Variants in ITSN1 observed in about 807,000 individuals in gnomAD.
ITSN1 encodes the protein intersectin-1.
A neutral mutation model predicts 239.8 loss-of-function variants in ITSN1; 58 were observed. The observed-to-expected ratio is 0.24, with a 90% CI of 0.20 to 0.30. The LOEUF (loss-of-function observed/expected upper bound fraction) is 0.30. ITSN1 is among the 10% of genes least tolerant of loss of function. The pLI is 1.00. For missense variants in ITSN1, 1,558 were observed against 2,103.3 expected, an observed-to-expected ratio of 0.74 and a Z score of 5.07; for synonymous variants, 780 against 770.8, an observed-to-expected ratio of 1.01 and a Z score of -0.20.
At chr21:33,802,357 A>G (rs1052994619) in intron 19 of ITSN1, 73 bp from the exon 20 acceptor site, 2 of 1,449,450 alleles carry the variant, frequency 1.4e-6, no homozygotes, top group African/African-American at 1.4e-5. Context: ...GAGTTTAGAT[A>G]TGCTGTAAGA....
At chr21:33,769,725 C>T (rs1403023665) in intron 11 of ITSN1, among the ~76,000 whole-genome samples, 7 of 147,850 alleles carry the variant, frequency 4.7e-5, no homozygotes, top group Admixed American at 1.3e-4. Flanking sequence ...ACGGTTGTTT[C>T]GCTCTTGTTG....
chr21:33,847,653 T>C (rs553628884), intron 29 of ITSN1, among the ~76,000 whole-genome samples: 1 of 151,676 alleles, frequency 6.6e-6, no homozygotes, highest in East Asian at 1.9e-4. Flanking sequence ...AAGAGTGGAG[T>C]GTCAGATGGT....
intron 33 of ITSN1, 43 bp downstream of exon 33, chr21:33,867,374 C>G: frequency 1.8e-6 from 2 of 1,101,034 alleles, no homozygotes; most frequent in Non-Finnish European, 1.4e-6. Flanking sequence ...ACGGCTTTCT[C>G]TGCATTGGAG....
chr21:33,644,326 A>G (rs1233202425), intron 1 of ITSN1, among the ~76,000 whole-genome samples: 1 of 152,236 alleles, frequency 6.6e-6, no homozygotes, highest in Non-Finnish European at 1.5e-5. Context: ...TAAGTCATAT[A>G]AATTAAGAAG....
At chr21:33,750,442 A>G (rs1392223145) in intron 6 of ITSN1, 120 bp downstream of exon 6, 1 of 913,494 alleles carries the variant, frequency 1.1e-6, no homozygotes, top group Non-Finnish European at 1.7e-6. Context: ...TCCAGAGGAA[A>G]ATATCTTTAT....
At chr21:33,646,733 A>C (rs987114594) in intron 1 of ITSN1, among the ~76,000 whole-genome samples, 1 of 152,242 alleles carries the variant, frequency 6.6e-6, no homozygotes, top group African/African-American at 2.4e-5. Context: ...AGTGATGATA[A>C]AGAATTGGGG....
At chr21:33,759,388 C>G (rs988892761) in intron 8 of ITSN1, among the ~76,000 whole-genome samples, 5 of 152,162 alleles carry the variant, frequency 3.3e-5, no homozygotes, top group Non-Finnish European at 7.3e-5. Flanking sequence ...GAATCCAAGT[C>G]CCCTGATATC....
chr21:33,891,076 TG>T lies in ITSN1; in HGVS notation c.*2780del. Reference sequence around the variant, plus strand: ...GGCAGAGTCCACATCCTGGTCCCTCTGGGGCAGGGCCTGTCTGGCTGCTGGC... The same window carrying T: ...GGCAGAGTCCACATCCTGGTCCCTCTGGGCAGGGCCTGTCTGGCTGCTGGC... On this transcript the variant is annotated 3_prime_UTR_variant, in exon 40 of 40. Transcript: ENST00000381318. 6.6e-6 allele frequency: 1 copy of T among 152,504 alleles called. No individual in the cohort carries two copies. The highest frequency in any genetic ancestry group is 1.5e-5 in the Non-Finnish European group (1 of 68,154). The allele number at this position is 152,504 out of a possible 1,614,324, so 9.4% of individuals were successfully genotyped here. A position where few individuals can be genotyped will look rare whatever the true frequency, so the allele number is the denominator to read the frequency against.
chr21:33,787,393 T>C (rs1248443815), intron 16 of ITSN1, among the ~76,000 whole-genome samples: 6 of 152,254 alleles, frequency 3.9e-5, no homozygotes, highest in African/African-American at 1.4e-4. Context: ...TTCCTTAGTA[T>C]ACTTGGGAAA....
At chr21:33,856,015 T>C (rs1214453733) in intron 29 of ITSN1, among the ~76,000 whole-genome samples, 3 of 152,176 alleles carry the variant, frequency 2.0e-5, no homozygotes, top group Non-Finnish European at 4.4e-5. Flanking sequence ...GCAGCCCAAG[T>C]CTCAGGGTTT....
intron 1 of ITSN1, among the ~76,000 whole-genome samples, chr21:33,706,704 G>A (rs1220136366): frequency 6.6e-6 from 1 of 152,074 alleles, no homozygotes; most frequent in East Asian, 1.9e-4. Flanking sequence ...AAGCCTTACA[G>A]TCCACACCAT....
intron 20 of ITSN1, 63 bp from the exon 21 acceptor site, chr21:33,810,912 T>C: frequency 6.3e-7 from 1 of 1,597,138 alleles, no homozygotes; most frequent in Admixed American, 1.7e-5. Context: ...TTCACTGTAG[T>C]TGGGTGCTGG....
intron 5 of ITSN1, among the ~76,000 whole-genome samples, chr21:33,735,841 G>A (rs2066466290): frequency 6.6e-6 from 1 of 151,834 alleles, no homozygotes; most frequent in African/African-American, 2.4e-5. Flanking sequence ...CATCTCTACT[G>A]AAAATATAAA....
intron 7 of ITSN1, among the ~76,000 whole-genome samples, chr21:33,754,405 G>A (rs962939168): frequency 6.6e-6 from 1 of 152,208 alleles, no homozygotes; most frequent in African/African-American, 2.4e-5. Flanking sequence ...GCTTTTACAT[G>A]TTTGAATAGA....
At chr21:33,808,275 C>T (rs916714601) in intron 20 of ITSN1, among the ~76,000 whole-genome samples, 4 of 150,732 alleles carry the variant, frequency 2.7e-5, no homozygotes, top group Non-Finnish European at 4.4e-5. Flanking sequence ...AGCTGGACAG[C>T]AGAAGAGAGA....
At chr21:33,652,563 C>A (rs575136903) in intron 1 of ITSN1, among the ~76,000 whole-genome samples, 24 of 152,080 alleles carry the variant, frequency 1.6e-4, no homozygotes, top group Non-Finnish European at 3.2e-4. Context: ...AGGTAAAATT[C>A]TTGGACCAAA....
At chr21:33,688,626 T>C (rs2091362518) in intron 1 of ITSN1, among the ~76,000 whole-genome samples, 1 of 152,092 alleles carries the variant, frequency 6.6e-6, no homozygotes, top group Admixed American at 6.6e-5. Flanking sequence ...ATAGATCTAG[T>C]TGTAGGCTTA....
intron 1 of ITSN1, among the ~76,000 whole-genome samples, chr21:33,704,064 T>C (rs572395130): frequency 4.7e-4 from 71 of 152,330 alleles, no homozygotes; most frequent in Admixed American, 1.6e-3. Context: ...ACCTACCTTA[T>C]GCTGCTGAAG....
At chr21:33,814,821 C>T (rs1318231846) in intron 22 of ITSN1, among the ~76,000 whole-genome samples, 2 of 152,040 alleles carry the variant, frequency 1.3e-5, no homozygotes, top group East Asian at 3.9e-4. Flanking sequence ...CCAGCTGAGA[C>T]CTAGGGCAGG....
Sources: allele counts gnomAD v4.1 joint callset (sites outside exome capture counted in the v4.1 genomes callset), GRCh38; gene constraint gnomAD v4.1.1; transcripts MANE v1.5; gene names NCBI Gene and HGNC (gene_info 2026-07-23, HGNC 2026-07-21).